Variants in E2F3 observed in about 807,000 individuals in gnomAD.
E2F3 encodes the protein transcription factor E2F3.
Under a neutral mutation model 44.4 loss-of-function variants are expected in E2F3, and 11 were observed. The observed-to-expected ratio is 0.25, with a 90% CI of 0.16 to 0.41. E2F3 has a LOEUF of 0.41. E2F3 is among the 10% of genes least tolerant of loss of function. The pLI is 1.00. For synonymous variants in E2F3, 249 were observed against 253.0 expected (o/e 0.98, Z 0.15); for missense variants, 487 against 583.6 (o/e 0.83, Z 1.70).
intron 1 of E2F3, among the ~76,000 whole-genome samples, chr6:20,465,504 T>C (rs1283321115): frequency 6.6e-6 from 1 of 152,152 alleles, no homozygotes; most frequent in East Asian, 1.9e-4. Context: ...GAACAGGTGG[T>C]ATTTGGTTAC....
intron 1 of E2F3, among the ~76,000 whole-genome samples, chr6:20,460,571 A>C: frequency 6.6e-6 from 1 of 152,200 alleles, no homozygotes; most frequent in East Asian, 1.9e-4. Context: ...ATAGTCATTT[A>C]GATTTTTAAC....
At chr6:20,444,162 C>G (rs1164776490) in intron 1 of E2F3, among the ~76,000 whole-genome samples, 2 of 152,144 alleles carry the variant, frequency 1.3e-5, no homozygotes, top group Non-Finnish European at 2.9e-5. Context: ...ACACTCTAGC[C>G]TGGGCAGCAG....
intron 1 of E2F3, among the ~76,000 whole-genome samples, chr6:20,440,721 G>A (rs1472089194): frequency 6.6e-6 from 1 of 152,172 alleles, no homozygotes; most frequent in Non-Finnish European, 1.5e-5. Flanking sequence ...GGAAGGAGAG[G>A]TCACATGCTG....
At position 20,460,793 on chromosome 6, in the gene E2F3, C is replaced by T. The variant is rs542941173; in HGVS notation, c.394-19053C>T. 9.2e-5 allele frequency among the ~76,000 whole-genome samples: 14 copies of T among 151,500 alleles called. No homozygotes were observed. The East Asian group carries it at 1.8e-3, about 19-fold the overall frequency. ...GGCAGATCATCTGAGGTCAGGAGTTCGAGACCAGCCTGGCCAACATGGTGA... is the reference window on the plus strand; with the variant it reads ...GGCAGATCATCTGAGGTCAGGAGTTTGAGACCAGCCTGGCCAACATGGTGA... On this transcript the variant is annotated intron_variant, in intron 1 of 6. Transcript: ENST00000346618.
chr6:20,431,986 G>C (rs989280855), intron 1 of E2F3, among the ~76,000 whole-genome samples: 1 of 152,184 alleles, frequency 6.6e-6, no homozygotes, highest in African/African-American at 2.4e-5. Context: ...TAAGCTCACC[G>C]GGTGTCTTTT....
At chr6:20,444,348 A>G (rs1760869767) in intron 1 of E2F3, among the ~76,000 whole-genome samples, 1 of 152,224 alleles carries the variant, frequency 6.6e-6, no homozygotes, top group Non-Finnish European at 1.5e-5. Flanking sequence ...TTAGCTACTC[A>G]TGATTCGCAA....
intron 1 of E2F3, among the ~76,000 whole-genome samples, chr6:20,476,623 A>C (rs1161767797): frequency 6.6e-6 from 1 of 152,136 alleles, no homozygotes; most frequent in Non-Finnish European, 1.5e-5. Flanking sequence ...TAGTTCCAGA[A>C]ACATTCCTGG....
intron 1 of E2F3, among the ~76,000 whole-genome samples, chr6:20,450,808 G>A (rs1486873107): frequency 1.3e-5 from 2 of 152,114 alleles, no homozygotes; most frequent in East Asian, 3.9e-4. Context: ...TTTATATATG[G>A]TATAACGAAA....
intron 1 of E2F3, among the ~76,000 whole-genome samples, chr6:20,450,770 C>T (rs1439733015): frequency 6.6e-6 from 1 of 152,032 alleles, no homozygotes; most frequent in Non-Finnish European, 1.5e-5. Context: ...GGATTTTACA[C>T]TTACCTTTAA....
At chr6:20,433,838 A>C (rs1276478673) in intron 1 of E2F3, among the ~76,000 whole-genome samples, 1 of 152,190 alleles carries the variant, frequency 6.6e-6, no homozygotes, top group Non-Finnish European at 1.5e-5. Flanking sequence ...TATGGCACGA[A>C]AACATGAATT....
intron 1 of E2F3, among the ~76,000 whole-genome samples, chr6:20,409,272 A>G (rs886366015): frequency 6.6e-6 from 1 of 152,252 alleles, no homozygotes; most frequent in Non-Finnish European, 1.5e-5. Context: ...ACTTATTCCC[A>G]AAGATACAAA....
intron 5 of E2F3, among the ~76,000 whole-genome samples, chr6:20,487,691 C>T (rs1249251255): frequency 3.3e-5 from 5 of 152,186 alleles, no homozygotes; most frequent in Admixed American, 6.5e-5. Context: ...CCAAGCCCCA[C>T]TAAAATAGTT....
chr6:20,446,036 A>C (rs1414567872), intron 1 of E2F3, among the ~76,000 whole-genome samples: 2 of 152,164 alleles, frequency 1.3e-5, no homozygotes, highest in Non-Finnish European at 2.9e-5. Flanking sequence ...TCATGTGCAC[A>C]GCTTTGGGGT....
intron 1 of E2F3, among the ~76,000 whole-genome samples, chr6:20,436,287 A>G (rs1760573867): frequency 6.6e-6 from 1 of 152,106 alleles, no homozygotes; most frequent in South Asian, 2.1e-4. Flanking sequence ...GGTCTAAAGA[A>G]TTGTCTTTAC....
chr6:20,492,088 A>G lies in E2F3; in HGVS notation c.*1658A>G, dbSNP rs1435890824. On this transcript the variant is annotated 3_prime_UTR_variant, in exon 7 of 7. Transcript: ENST00000346618. ...ATTGAAATGCTATGTGCCTGACCCA[A>G]TGGTAGGCACATAGTAGGCACTCAA... is the stretch of plus-strand genomic sequence containing the variant. The G allele has an allele frequency of 1.9e-5, 4 of 206,944 alleles. No individual in the cohort carries two copies. The highest frequency in any genetic ancestry group is 3.0e-5 in the Non-Finnish European group (3 of 101,388). The allele number at this position is 206,944 out of a possible 1,614,324, so 12.8% of individuals were successfully genotyped here. A position where few individuals can be genotyped will look rare whatever the true frequency, so the allele number is the denominator to read the frequency against.
intron 5 of E2F3, 42 bp from the exon 6 acceptor site, chr6:20,488,071 A>G (rs2127627260): frequency 6.2e-7 from 1 of 1,602,084 alleles, no homozygotes; most frequent in Non-Finnish European, 8.5e-7. Context: ...TTTTATTTCT[A>G]AAAGAACTTC....
chr6:20,489,507 T>G (rs1359319207), intron 6 of E2F3, among the ~76,000 whole-genome samples: 1 of 152,230 alleles, frequency 6.6e-6, no homozygotes, highest in Non-Finnish European at 1.5e-5. Flanking sequence ...TTGGTGAGTT[T>G]CTACTAGGAA....
intron 1 of E2F3, among the ~76,000 whole-genome samples, chr6:20,470,660 A>G (rs935318855): frequency 1.3e-5 from 2 of 152,198 alleles, no homozygotes; most frequent in Non-Finnish European, 2.9e-5. Flanking sequence ...GTTTTGAGAC[A>G]AAAGGTATCA....
chr6:20,434,353 CA>C (rs1341903614), intron 1 of E2F3, among the ~76,000 whole-genome samples: 1 of 152,162 alleles, frequency 6.6e-6, no homozygotes, highest in Non-Finnish European at 1.5e-5. Context: ...GGTTTCTTAA[CA>C]GTTTGCTATC....
Sources: allele counts gnomAD v4.1 joint callset (sites outside exome capture counted in the v4.1 genomes callset), GRCh38; gene constraint gnomAD v4.1.1; transcripts MANE v1.5; gene names NCBI Gene and HGNC (gene_info 2026-07-23, HGNC 2026-07-21).